SLC39A11: variants seen among roughly 807,000 people sequenced by gnomAD.
SLC39A11 encodes solute carrier family 39 member 11, also known as zinc transporter ZIP11.
Under a neutral mutation model 36.1 loss-of-function variants are expected in SLC39A11, and 33 were observed. The ratio of observed to expected loss-of-function variants is 0.91; its 90% CI spans 0.69 to 1.22. The LOEUF is 1.22. Ranked by LOEUF, SLC39A11 falls within the 50% of genes most tolerant of loss-of-function variation. SLC39A11 has a pLI of 0.00. For synonymous variants in SLC39A11, 166 were observed against 170.3 expected, an observed-to-expected ratio of 0.97 and a Z score of 0.20; for missense variants, 432 against 430.3, an observed-to-expected ratio of 1.00 and a Z score of -0.03.
At chr17:72,922,960 CAAAAAAAAAAAAAAAAAA>C (rs10645750) in intron 5 of SLC39A11, among the ~76,000 whole-genome samples, 1 of 44,072 alleles carries the variant, frequency 2.3e-5, no homozygotes, top group South Asian at 1.2e-3. Context: ...GACTCCTTCT[CAAAAAAAAAAAAAAAAAA>C]AAAAAAAAAA....
intron 7 of SLC39A11, among the ~76,000 whole-genome samples, chr17:72,677,796 G>A (rs1361076473): frequency 3.3e-5 from 5 of 152,152 alleles, no homozygotes; most frequent in African/African-American, 1.2e-4. Context: ...CAGCAGAGTA[G>A]AGGGCCAGGA....
At chr17:72,686,451 C>A (rs2071754391) in intron 7 of SLC39A11, among the ~76,000 whole-genome samples, 1 of 152,216 alleles carries the variant, frequency 6.6e-6, no homozygotes, top group Non-Finnish European at 1.5e-5. Flanking sequence ...GTCTCCTTAC[C>A]CAGCATGGCT....
chr17:72,967,399 A>AGAGAGAGAGAGTGTGT (rs143987646), intron 4 of SLC39A11, among the ~76,000 whole-genome samples: 1 of 138,200 alleles, frequency 7.2e-6, no homozygotes, highest in Non-Finnish European at 1.5e-5. Context: ...AGAGAGAGAG[A>AGAGAGAGAGAGTGTGT]GTGTGTGTGT....
chr17:73,033,501 T>A (rs983987336), intron 3 of SLC39A11, among the ~76,000 whole-genome samples: 8 of 152,234 alleles, frequency 5.3e-5, no homozygotes, highest in Non-Finnish European at 8.8e-5. Flanking sequence ...GGTGCATGAC[T>A]GTAGTCCTAG....
chr17:72,972,801 G>A (rs1247709222), intron 4 of SLC39A11, among the ~76,000 whole-genome samples: 1 of 152,176 alleles, frequency 6.6e-6, no homozygotes, highest in Non-Finnish European at 1.5e-5. Flanking sequence ...GGAAATCACT[G>A]TGGTCATCAC....
intron 4 of SLC39A11, among the ~76,000 whole-genome samples, chr17:72,979,847 T>C (rs1443361464): frequency 6.6e-6 from 1 of 152,132 alleles, no homozygotes; most frequent in Non-Finnish European, 1.5e-5. Context: ...CAAAGCAGCA[T>C]GCCCTCCTCC....
At chr17:73,078,406 GGTAA>G (rs2060399325) in intron 3 of SLC39A11, among the ~76,000 whole-genome samples, 1 of 152,040 alleles carries the variant, frequency 6.6e-6, no homozygotes, top group South Asian at 2.1e-4. Flanking sequence ...TAGGTAGGTA[GGTAA>G]GTAAGGAGGT....
chr17:72,674,738 A>G (rs913335668), intron 7 of SLC39A11, among the ~76,000 whole-genome samples: 11 of 152,190 alleles, frequency 7.2e-5, no homozygotes, highest in African/African-American at 2.7e-4. Context: ...CCCCACTGAT[A>G]GGTCAGAAAT....
chr17:72,809,473 T>C (rs1297025436), intron 6 of SLC39A11, among the ~76,000 whole-genome samples: 5 of 152,198 alleles, frequency 3.3e-5, no homozygotes, highest in Admixed American at 3.3e-4. Context: ...CTAGGGTTTA[T>C]GCAGGACATT....
intron 4 of SLC39A11, among the ~76,000 whole-genome samples, chr17:72,974,788 C>T (rs1210739683): frequency 6.6e-6 from 1 of 152,236 alleles, no homozygotes; most frequent in Non-Finnish European, 1.5e-5. Context: ...ACTTCCAGCC[C>T]TGCAAGCTCC....
At chr17:73,040,425 C>T (rs1448154685) in intron 3 of SLC39A11, among the ~76,000 whole-genome samples, 1 of 152,176 alleles carries the variant, frequency 6.6e-6, no homozygotes, top group Non-Finnish European at 1.5e-5. Flanking sequence ...AGTTTAAAAG[C>T]AGTTTGTATC....
intron 5 of SLC39A11, among the ~76,000 whole-genome samples, chr17:72,893,324 G>C (rs1158592895): frequency 1.3e-5 from 2 of 152,122 alleles, no homozygotes; most frequent in Non-Finnish European, 2.9e-5. Context: ...AGCCAGGCGT[G>C]GTGACACATG....
intron 6 of SLC39A11, among the ~76,000 whole-genome samples, chr17:72,796,641 T>C (rs1402771190): frequency 6.6e-6 from 1 of 152,080 alleles, no homozygotes; most frequent in Non-Finnish European, 1.5e-5. Context: ...AAACGAGACC[T>C]AGGCCCTGGA....
At chr17:72,911,907 G>T (rs903903360) in intron 5 of SLC39A11, among the ~76,000 whole-genome samples, 1 of 152,156 alleles carries the variant, frequency 6.6e-6, no homozygotes, top group African/African-American at 2.4e-5. Context: ...GCCTCCCGAA[G>T]TGCTGGGATT....
chr17:72,975,953 G>A (rs937153964), intron 4 of SLC39A11, among the ~76,000 whole-genome samples: 4 of 151,608 alleles, frequency 2.6e-5, no homozygotes, highest in African/African-American at 4.8e-5. Flanking sequence ...GGTGGATCAC[G>A]AGGTCAGGAG....
At chr17:72,718,912 G>A (rs1204693345) in intron 7 of SLC39A11, among the ~76,000 whole-genome samples, 1 of 152,044 alleles carries the variant, frequency 6.6e-6, no homozygotes, top group Non-Finnish European at 1.5e-5. Context: ...TTACAGGCAT[G>A]AGCCACCATG....
chr17:72,690,881 G>T, intron 7 of SLC39A11, among the ~76,000 whole-genome samples: 1 of 152,154 alleles, frequency 6.6e-6, no homozygotes, highest in East Asian at 1.9e-4. Flanking sequence ...TGCAGGGCTG[G>T]GAGGGGAGAG....
chr17:72,945,810 C>G (rs2466516), intron 5 of SLC39A11, among the ~76,000 whole-genome samples: 50,311 of 152,072 alleles, frequency 0.33, 9,275 homozygotes, highest in East Asian at 0.44. Flanking sequence ...AGCCAACTCC[C>G]CTGACCCCGT....
chr17:72,920,845 C>T (rs1235080906), intron 5 of SLC39A11, among the ~76,000 whole-genome samples: 4 of 150,592 alleles, frequency 2.7e-5, no homozygotes, highest in Non-Finnish European at 1.5e-5. Flanking sequence ...CAAACATGCA[C>T]ACTTCCCACC....
Sources: allele counts gnomAD v4.1 joint callset (sites outside exome capture counted in the v4.1 genomes callset), GRCh38; gene constraint gnomAD v4.1.1; transcripts MANE v1.5; gene names NCBI Gene and HGNC (gene_info 2026-07-23, HGNC 2026-07-21).